Variants in ZMIZ1 observed in about 807,000 individuals in gnomAD.
ZMIZ1 encodes the protein zinc finger MIZ domain-containing protein 1.
Under a neutral mutation model 113.9 loss-of-function variants are expected in ZMIZ1, and 17 were observed. That is an observed-to-expected ratio of 0.15 (90% CI 0.10 to 0.22). The LOEUF (loss-of-function observed/expected upper bound fraction) is 0.22, where lower values mean the gene tolerates loss of function less well. Ranked by LOEUF, ZMIZ1 falls within the 10% of genes least tolerant of loss-of-function variation. The probability of loss-of-function intolerance (pLI) is 1.00; values close to 1 mark genes in which losing one functional copy is unlikely to be tolerated. For synonymous variants in ZMIZ1, 607 were observed against 603.1 expected (o/e 1.01, Z -0.09); for missense variants, 1,059 against 1,477.8 (o/e 0.72, Z 4.65).
rs1387087693 is a variant in ZMIZ1, at chr10:79,291,037, A to G, written c.619A>G (p.Ser207Gly). 1 of 1,614,116 alleles carries G rather than the reference A, an allele frequency of 6.2e-7. No homozygotes were observed. Among genetic ancestry groups the G allele is most frequent in the Non-Finnish European group, 8.5e-7 (1 of 1,180,046 alleles). The change falls in exon 10 of 25, where the codon AGC becomes GGC. Residue 207 changes from serine to glycine, a missense_variant. Physicochemically the swap from Ser to Gly is moderately conservative, Grantham distance 56 (BLOSUM62 0). Transcript: ENST00000334512. Reference sequence around the variant, plus strand: ...CCCCATGGCGTCGGGCATGACCACCAGCAACCCAGGCCTCAACTCCCCACA... The same window carrying G: ...CCCCATGGCGTCGGGCATGACCACCGGCAACCCAGGCCTCAACTCCCCACA... ...GNPMASGMTTSNPGLNSPQFA... is the reference protein window; with the variant it reads ...GNPMASGMTTGNPGLNSPQFA...
intron 7 of ZMIZ1, among the ~76,000 whole-genome samples, chr10:79,225,932 A>G (rs1327873166): frequency 6.6e-6 from 1 of 152,204 alleles, no homozygotes; most frequent in Non-Finnish European, 1.5e-5. Context: ...CGTGGGTGTG[A>G]GAGTGCCTCT....
chr10:79,124,526 C>CACTT (rs781446221), intron 2 of ZMIZ1, among the ~76,000 whole-genome samples: 149 of 152,362 alleles, frequency 9.8e-4, no homozygotes, highest in Middle Eastern at 6.8e-3. Flanking sequence ...TGGTGTTGAA[C>CACTT]ACTTCCTTGT....
At chr10:79,226,363 CA>C (rs1849200623) in intron 7 of ZMIZ1, among the ~76,000 whole-genome samples, 1 of 152,196 alleles carries the variant, frequency 6.6e-6, no homozygotes, top group African/African-American at 2.4e-5. Context: ...TGCAGGGCCA[CA>C]GGTATCACCA....
chr10:79,089,427 C>T (rs879127628), intron 1 of ZMIZ1, among the ~76,000 whole-genome samples: 5 of 152,228 alleles, frequency 3.3e-5, no homozygotes, highest in Admixed American at 3.3e-4. Context: ...TGTTTTGTGC[C>T]TTCTCCGGTT....
chr10:79,253,437 G>C (rs1310767745), intron 7 of ZMIZ1, among the ~76,000 whole-genome samples: 1 of 152,178 alleles, frequency 6.6e-6, no homozygotes, highest in Non-Finnish European at 1.5e-5. Flanking sequence ...TCCCCTTGGG[G>C]CTTACGGGTA....
In ZMIZ1 at chr10:79,102,407, G is replaced by A. The variant is rs149768018; in HGVS notation, c.-336-16508G>A. On this transcript the variant is annotated intron_variant, in intron 1 of 24. Transcript: ENST00000334512. ...CGGGAGAGAAGGCCTCCTTTGCCCCGCCCTCTGCTCCATCAGCCTCAGGGC... is the reference window on the plus strand; with the variant it reads ...CGGGAGAGAAGGCCTCCTTTGCCCCACCCTCTGCTCCATCAGCCTCAGGGC... Among the ~76,000 whole-genome samples the A allele has an allele frequency of 1.3e-3, 192 of 152,286 alleles. 1 individual carries two copies. The highest frequency in any genetic ancestry group is 4.4e-3 in the African/African-American group (182 of 41,562).
chr10:79,279,992 CTTTTTT>C, intron 8 of ZMIZ1, among the ~76,000 whole-genome samples: 1 of 139,358 alleles, frequency 7.2e-6, no homozygotes, highest in East Asian at 2.1e-4. Context: ...ATTATTATTA[CTTTTTT>C]TTTTTTTTTG....
chr10:79,097,832 A>AC (rs34536082), intron 1 of ZMIZ1, among the ~76,000 whole-genome samples: 18 of 151,528 alleles, frequency 1.2e-4, no homozygotes, highest in African/African-American at 2.9e-4. Flanking sequence ...TGCTAACTGC[A>AC]CCCCCCCACC....
At chr10:79,211,580 G>A (rs377381201) in intron 6 of ZMIZ1, among the ~76,000 whole-genome samples, 14 of 152,288 alleles carry the variant, frequency 9.2e-5, no homozygotes, top group African/African-American at 2.4e-4. Context: ...ACTTAGCCCC[G>A]AGCAGCAAAT....
intron 6 of ZMIZ1, among the ~76,000 whole-genome samples, chr10:79,215,551 A>T (rs1848690224): frequency 6.6e-6 from 1 of 152,142 alleles, no homozygotes; most frequent in African/African-American, 2.4e-5. Flanking sequence ...CACCTGCCTC[A>T]GCCTCCCAAA....
chr10:79,241,770 G>A (rs182809074), intron 7 of ZMIZ1, among the ~76,000 whole-genome samples: 19 of 152,306 alleles, frequency 1.2e-4, no homozygotes, highest in African/African-American at 4.6e-4. Flanking sequence ...TTCCAGGGCC[G>A]GCAGGAAGGT....
chr10:79,308,981 G>T (rs1443033452), intron 23 of ZMIZ1, among the ~76,000 whole-genome samples: 1 of 152,158 alleles, frequency 6.6e-6, no homozygotes, highest in Non-Finnish European at 1.5e-5. Context: ...TCTCTAGATG[G>T]TCCTGTCCTC....
intron 2 of ZMIZ1, among the ~76,000 whole-genome samples, chr10:79,125,827 A>G (rs1387871589): frequency 1.3e-5 from 2 of 152,140 alleles, no homozygotes; most frequent in Non-Finnish European, 2.9e-5. Flanking sequence ...AGGCCCAGAG[A>G]TAGGAGGGCA....
At chr10:79,114,248 T>C (rs1177035938) in intron 1 of ZMIZ1, among the ~76,000 whole-genome samples, 2 of 152,238 alleles carry the variant, frequency 1.3e-5, no homozygotes. Flanking sequence ...TTTAATTTTT[T>C]CCCCCTGTTT....
intron 4 of ZMIZ1, among the ~76,000 whole-genome samples, chr10:79,169,310 C>T (rs1846506741): frequency 6.6e-6 from 1 of 152,248 alleles, no homozygotes; most frequent in African/African-American, 2.4e-5. Context: ...TTCGTTGCCT[C>T]TGCCCCCAGC....
chr10:79,308,707 G>A (rs1457032347), intron 23 of ZMIZ1, among the ~76,000 whole-genome samples: 2 of 152,070 alleles, frequency 1.3e-5, no homozygotes, highest in Non-Finnish European at 2.9e-5. Flanking sequence ...TGCCCCATGG[G>A]GCTTGTGATT....
At chr10:79,160,140 T>C (rs1846051639) in intron 3 of ZMIZ1, among the ~76,000 whole-genome samples, 1 of 152,236 alleles carries the variant, frequency 6.6e-6, no homozygotes, top group Non-Finnish European at 1.5e-5. Context: ...AGTCACTGAC[T>C]CACTGCATGA....
intron 7 of ZMIZ1, among the ~76,000 whole-genome samples, chr10:79,229,150 C>T (rs1589450546): frequency 6.6e-6 from 1 of 152,222 alleles, no homozygotes; most frequent in Non-Finnish European, 1.5e-5. Context: ...GCTGTCTCTC[C>T]AGGGACCATC....
intron 1 of ZMIZ1, among the ~76,000 whole-genome samples, chr10:79,074,088 T>C (rs1564634884): frequency 6.6e-6 from 1 of 152,202 alleles, no homozygotes; most frequent in African/African-American, 2.4e-5. Context: ...TTTAGAAGCT[T>C]TTTCCATCTT....
Sources: gnomAD v4.1 joint callset for allele counts (sites outside exome capture counted in the v4.1 genomes callset) on GRCh38, gnomAD v4.1.1 for gene constraint, MANE v1.5 for transcripts, NCBI Gene and HGNC (gene_info 2026-07-23, HGNC 2026-07-21) for gene names.